The following CPNE7 variants were observed in gnomAD, a reference collection of about 807,000 sequenced individuals.
The protein encoded by CPNE7 is copine-7.
A neutral mutation model predicts 66.5 loss-of-function variants in CPNE7; 78 were observed. The ratio of observed to expected loss-of-function variants is 1.17; its 90% confidence interval spans 0.98 to 1.42. The LOEUF is 1.42. Among genes scored for constraint, CPNE7 ranks in the 40% most tolerant of loss-of-function variants. The pLI is 0.00. For synonymous variants in CPNE7, 468 were observed against 336.7 expected (o/e 1.39, Z -4.27); for missense variants, 1,012 against 776.6 (o/e 1.30, Z -3.60).
chr16:89,591,205 T>G lies in CPNE7; in HGVS notation c.1247T>G (p.Ile416Ser), dbSNP rs1344050569. The change falls in exon 13 of 15, where the codon ATC becomes AGC. Residue 416 changes from isoleucine to serine, a missense_variant. Transcript: ENST00000319518. ...QLYGPTNVAP[I>S]ISKVARVAAA... ...TACGGCCCCACCAACGTGGCGCCCATCATCTCCAAGGTGGCACGCGTGGCG... is the reference window on the plus strand; with the variant it reads ...TACGGCCCCACCAACGTGGCGCCCAGCATCTCCAAGGTGGCACGCGTGGCG... 1 of 1,596,954 alleles carries G rather than the reference T, an allele frequency of 6.3e-7. No individual in the cohort carries two copies. Among genetic ancestry groups the G allele is most frequent in the Non-Finnish European group, 8.5e-7 (1 of 1,171,968 alleles).
chr16:89,591,494 C>T lies in CPNE7; in HGVS notation c.1302+234C>T, dbSNP rs563417782. The stretch of plus-strand genomic sequence containing the variant: ...CACACGGTCACGGCCATGGCTGCAG[C>T]GAGGCTGCCCCTCTCCTCTTCCTCT... On this transcript the variant is annotated intron_variant, in intron 13 of 14. Coordinates refer to ENST00000319518, the MANE Select transcript of CPNE7 (RefSeq NM_153636.3). Among the ~76,000 whole-genome samples the T allele has an allele frequency of 4.6e-5, 7 of 152,334 alleles. 1 individual carries two copies. Among genetic ancestry groups the T allele is most frequent in the South Asian group, 4.1e-4 (2 of 4,828 alleles).
In CPNE7 at chr16:89,587,087, C is replaced by T; in HGVS notation, c.912C>T (p.Cys304=). The change falls in exon 9 of 15, where the codon TGC becomes TGT. Residue 304 remains cysteine, a synonymous_variant. Coordinates refer to ENST00000319518, the MANE Select transcript of CPNE7 (RefSeq NM_153636.3). ...TCCTGGACTATATCATGGGCGGCTG[C>T]CAGATCCACTTCACCGTGAGTCCAT... ...YSFLDYIMGG[C]QIHFTVAIDF... The T allele has an allele frequency of 1.3e-6, 2 of 1,571,714 alleles. No homozygotes were observed. The highest frequency in any genetic ancestry group is 1.2e-5 in the South Asian group (1 of 86,134).
chr16:89,578,178 C>T (rs1248998527), intron 2 of CPNE7, among the ~76,000 whole-genome samples: 2 of 151,556 alleles, frequency 1.3e-5, no homozygotes, highest in African/African-American at 2.4e-5. Flanking sequence ...GATTCTCCTG[C>T]CTCAGCCTCC....
In CPNE7 at chr16:89,585,490, G is replaced by A. The variant is rs765697812; in HGVS notation, c.618G>A (p.Val206=). 3.1e-6 allele frequency: 5 copies of A among 1,612,142 alleles called. No homozygotes were observed. The highest frequency in any genetic ancestry group is 4.2e-6 in the Non-Finnish European group (5 of 1,179,538). ...TEVVKNNLNP[V]WEAFKVSLSS... is the part of the protein sequence containing the mutation. ...TGGTGAAGAACAACCTGAACCCGGTGTGGGAGGCCTTCAAAGTCTCTCTGA... is the reference window on the plus strand; with the variant it reads ...TGGTGAAGAACAACCTGAACCCGGTATGGGAGGCCTTCAAAGTCTCTCTGA... The change falls in exon 6 of 15, where the codon GTG becomes GTA. Residue 206 remains valine, a synonymous_variant. Coordinates refer to ENST00000319518, the MANE Select transcript of CPNE7 (RefSeq NM_153636.3).
chr16:89,594,435 C>T (rs2059220526), intron 13 of CPNE7, among the ~76,000 whole-genome samples: 1 of 152,012 alleles, frequency 6.6e-6, no homozygotes, highest in African/African-American at 2.4e-5. Flanking sequence ...GTCCTGGGGC[C>T]CCTGTTCGTT....
chr16:89,589,812 G>C, intron 10 of CPNE7, 85 bp from the exon 11 acceptor site: 1 of 1,479,330 alleles, frequency 6.8e-7, no homozygotes, highest in African/African-American at 1.4e-5. Flanking sequence ...AGTCTTTTGG[G>C]CGCCAGTCAT....
At chr16:89,593,201 C>G (rs78870028) in intron 13 of CPNE7, among the ~76,000 whole-genome samples, 40 of 152,150 alleles carry the variant, frequency 2.6e-4, no homozygotes, top group Non-Finnish European at 5.3e-4. Context: ...CATCTTCAAG[C>G]CAAATGGGAA....
At chr16:89,579,113 AC>A in intron 2 of CPNE7, 1 of 615,890 alleles carries the variant, frequency 1.6e-6, no homozygotes, top group Non-Finnish European at 2.6e-6. Flanking sequence ...ACATGATGAA[AC>A]CCCATCTCTA....
rs2059001000 is a variant in CPNE7, at chr16:89,584,240, T to C, written c.507+138T>C. Reference sequence around the variant, plus strand: ...TGCGGAGTGTGCCTGGGGCTGGGCGTGCTGCCGTCACGGTCGCCATCATCA... The same window carrying C: ...TGCGGAGTGTGCCTGGGGCTGGGCGCGCTGCCGTCACGGTCGCCATCATCA... On this transcript the variant is annotated intron_variant, in intron 4 of 14. Transcript: ENST00000319518. The surrounding 1 kb of genome is among the most constrained non-coding windows in gnomAD (Gnocchi z 6.0). The C allele has an allele frequency of 2.4e-6, 2 of 838,102 alleles. No individual in the cohort carries two copies. The highest frequency in any genetic ancestry group is 2.9e-5 in the Admixed American group (1 of 33,938). 51.9% of individuals were successfully genotyped at this position (838,102 alleles called of 1,614,324 possible). A position where few individuals can be genotyped will look rare whatever the true frequency, so the allele number is the denominator to read the frequency against.
At chr16:89,591,099 G>T (rs375803438) in intron 12 of CPNE7, 28 bp from the exon 13 acceptor site, 1 of 1,613,296 alleles carries the variant, frequency 6.2e-7, no homozygotes, top group East Asian at 2.2e-5. Flanking sequence ...AGTGCAGGGG[G>T]GCCGGGCTCA....
intron 6 of CPNE7, 27 bp downstream of exon 6, chr16:89,585,580 C>T (rs2059021918): frequency 6.3e-7 from 1 of 1,590,020 alleles, no homozygotes; most frequent in Non-Finnish European, 8.6e-7. Context: ...ACCAAGGGGG[C>T]AGTGAGGGGG....
Position 89,597,013 on chromosome 16 carries a change from C to G in CPNE7, c.*392C>G, listed in dbSNP as rs1276147379. 1 of 164,550 alleles carries G rather than the reference C, an allele frequency of 6.1e-6. No individual in the cohort carries two copies. The highest frequency in any genetic ancestry group is 1.7e-4 in the East Asian group (1 of 5,718). 10.2% of individuals were successfully genotyped at this position (164,550 alleles called of 1,614,324 possible). A position where few individuals can be genotyped will look rare whatever the true frequency, so the allele number is the denominator to read the frequency against. On this transcript the variant is annotated 3_prime_UTR_variant, in exon 15 of 15. Coordinates refer to ENST00000319518, the MANE Select transcript of CPNE7 (RefSeq NM_153636.3). ...GGCAGTCCCCCCACGCCCGAGAAAG[C>G]CTGGGGGACCCAGACACCTGTCCCC...
chr16:89,590,951 G>T (rs1292908112), intron 11 of CPNE7, 56 bp from the exon 12 acceptor site: 2 of 1,601,018 alleles, frequency 1.2e-6, no homozygotes, highest in East Asian at 4.5e-5. Context: ...AGGGACATGG[G>T]GCCAGTGGGG....
Position 89,596,613 on chromosome 16 carries a change from A to G in CPNE7, c.1669A>G (p.Thr557Ala). ...VPAGEASPGC[T>A]P is the part of the protein sequence containing the mutation. ...TGCCGGAGAGGCCAGCCCAGGCTGCACACCGTGAAGATGTGGAGGGCGTAG... is the reference window on the plus strand; with the variant it reads ...TGCCGGAGAGGCCAGCCCAGGCTGCGCACCGTGAAGATGTGGAGGGCGTAG... The change falls in exon 15 of 15, where the codon ACA becomes GCA. Residue 557 changes from threonine (T) to alanine (A), a missense_variant. Transcript: ENST00000319518. 6.2e-7 allele frequency: 1 copy of G among 1,602,032 alleles called. No individual in the cohort carries two copies.
At chr16:89,576,321 G>T (rs2058858986) in intron 1 of CPNE7, among the ~76,000 whole-genome samples, 1 of 152,038 alleles carries the variant, frequency 6.6e-6, no homozygotes, top group African/African-American at 2.4e-5. Flanking sequence ...GGGGTGCCCC[G>T]CAGTGAGGGG....
intron 13 of CPNE7, among the ~76,000 whole-genome samples, chr16:89,592,538 G>A (rs535030317): frequency 5.9e-4 from 89 of 150,162 alleles, no homozygotes; most frequent in Non-Finnish European, 8.3e-4. Flanking sequence ...CACCCTCCGA[G>A]TTCAAGCAAT....
chr16:89,582,597 C>T (rs1455746677), intron 2 of CPNE7, among the ~76,000 whole-genome samples: 1 of 152,196 alleles, frequency 6.6e-6, no homozygotes, highest in Non-Finnish European at 1.5e-5. Flanking sequence ...ACCCAGGACC[C>T]CTTTGCACCC....
intron 13 of CPNE7, among the ~76,000 whole-genome samples, chr16:89,594,707 A>C (rs1355652802): frequency 7.6e-6 from 1 of 130,884 alleles, no homozygotes; most frequent in Non-Finnish European, 1.5e-5. Context: ...GCTGAAGTGC[A>C]ATGGCGCGAT....
chr16:89,583,725 C>T lies in CPNE7; in HGVS notation c.386C>T (p.Pro129Leu), dbSNP rs763256835. 36 of 1,612,670 alleles carry T rather than the reference C, an allele frequency of 2.2e-5. No individual in the cohort carries two copies. Among genetic ancestry groups the T allele is most frequent in the South Asian group, 5.5e-5 (5 of 91,090 alleles). The change falls in exon 3 of 15, where the codon CCG (proline) becomes CTG (leucine). Residue 129 changes from proline (P) to leucine (L), a missense_variant. Physicochemically the swap from Pro to Leu is moderately conservative, Grantham distance 98. Coordinates refer to ENST00000319518, the MANE Select transcript of CPNE7 (RefSeq NM_153636.3). ...GTGGCCCAGAAGAAGGTGACCCGCC[C>T]GCTGCTGCTCAAGTTTGGCAGGAAC... ...QIVAQKKVTR[P>L]LLLKFGRNAG...
Sources: allele counts gnomAD v4.1 joint callset (sites outside exome capture counted in the v4.1 genomes callset), GRCh38; gene constraint gnomAD v4.1.1; non-coding constraint Gnocchi (gnomAD v3.1); transcripts MANE v1.5; gene names NCBI Gene and HGNC (gene_info 2026-07-23, HGNC 2026-07-21).